Variants in HIVEP2 observed in about 807,000 individuals in gnomAD.
The protein encoded by HIVEP2 is transcription factor HIVEP2.
In HIVEP2, 14 loss-of-function variants were observed where a neutral mutation model predicts 180.7. The ratio of observed to expected loss-of-function variants is 0.08; its 90% CI spans 0.05 to 0.12. The LOEUF (loss-of-function observed/expected upper bound fraction) is 0.12, where lower values mean the gene tolerates loss of function less well. HIVEP2 is among the 10% of genes least tolerant of loss of function. The pLI, the probability that HIVEP2 is intolerant of heterozygous loss-of-function variation, is 1.00. For synonymous variants in HIVEP2, 1,184 were observed against 1,136.4 expected, an observed-to-expected ratio of 1.04 and a Z score of -0.84; for missense variants, 2,579 against 3,008.5, an observed-to-expected ratio of 0.86 and a Z score of 3.34.
chr6:142,857,761 T>A (rs1482340725), intron 1 of HIVEP2, among the ~76,000 whole-genome samples: 2 of 152,256 alleles, frequency 1.3e-5, no homozygotes, highest in African/African-American at 4.8e-5. Context: ...TTTCTTTATA[T>A]TAAAACTCCA....
At chr6:142,923,681 A>T (rs1777733718) in intron 1 of HIVEP2, among the ~76,000 whole-genome samples, 1 of 152,176 alleles carries the variant, frequency 6.6e-6, no homozygotes, top group African/African-American at 2.4e-5. Context: ...ACAGCAGATC[A>T]TTTAACCAAA....
chr6:142,821,964 A>T (rs1777052618), intron 2 of HIVEP2, among the ~76,000 whole-genome samples: 1 of 152,220 alleles, frequency 6.6e-6, no homozygotes, highest in Non-Finnish European at 1.5e-5. Context: ...CAAAGTGCAA[A>T]CAAAGACAGA....
intron 1 of HIVEP2, among the ~76,000 whole-genome samples, chr6:142,904,665 A>C (rs1043907954): frequency 3.9e-5 from 6 of 152,354 alleles, no homozygotes; most frequent in Non-Finnish European, 8.8e-5. Context: ...TGATCAAAAA[A>C]AGATAAACAG....
At position 142,771,757 on chromosome 6, in the gene HIVEP2, A is replaced by G; in HGVS notation, c.2982T>C (p.Leu994=). 1 of 1,614,188 alleles carries G rather than the reference A, an allele frequency of 6.2e-7. No individual in the cohort carries two copies. Among genetic ancestry groups the G allele is most frequent in the Non-Finnish European group, 8.5e-7 (1 of 1,180,044 alleles). The change falls in exon 5 of 10, where the codon CTT becomes CTC. Residue 994 remains leucine, a synonymous_variant. Transcript: ENST00000367603. This position sits in a 1 kb window ranked among gnomAD's most constrained non-coding sequence, Gnocchi z 5.4. ...GCTTCCCAAACTCATCCTGCTTAGG[A>G]AGTGCAGAAAGCTTACTGGTTTCTT... ...EREETSKLSA[L]PKQDEFGKHS...
chr6:142,877,846 T>A (rs1440724175), intron 1 of HIVEP2, among the ~76,000 whole-genome samples: 1 of 152,318 alleles, frequency 6.6e-6, no homozygotes, highest in East Asian at 1.9e-4. Context: ...CATGGGCTTG[T>A]AAAAGGTATT....
At chr6:142,776,281 T>G (rs1775697574) in intron 3 of HIVEP2, 90 bp from the exon 4 acceptor site, 1 of 152,404 alleles carries the variant, frequency 6.6e-6, no homozygotes, top group Non-Finnish European at 1.5e-5. Context: ...TTCCAGTTCA[T>G]TATATAAAGG....
chr6:142,837,041 G>C lies in HIVEP2; in HGVS notation c.-634C>G, dbSNP rs985214337. The C allele has an allele frequency of 6.6e-6, 1 of 151,872 alleles. No homozygotes were observed. The highest frequency in any genetic ancestry group is 6.6e-5 in the Admixed American group (1 of 15,242). 9.4% of individuals were successfully genotyped at this position (151,872 alleles called of 1,614,324 possible). ...CTATGGTCTTTTAAAAAATTCAAAG[G>C]CTCCACCTAATGAGAAAAAAACAAA... On this transcript the variant is annotated 5_prime_UTR_variant, in exon 2 of 10. Coordinates refer to ENST00000367603, the MANE Select transcript of HIVEP2 (RefSeq NM_006734.4).
At chr6:142,850,965 T>C (rs983847142) in intron 1 of HIVEP2, among the ~76,000 whole-genome samples, 4 of 152,248 alleles carry the variant, frequency 2.6e-5, no homozygotes, top group African/African-American at 9.6e-5. Context: ...TTGTGTTGTA[T>C]GATCATAATG....
chr6:142,891,611 T>C (rs993279169), intron 1 of HIVEP2, among the ~76,000 whole-genome samples: 3 of 152,260 alleles, frequency 2.0e-5, no homozygotes, highest in Admixed American at 2.0e-4. Context: ...ACCTGGGCTA[T>C]GGATCGAGAT....
intron 2 of HIVEP2, among the ~76,000 whole-genome samples, chr6:142,808,319 G>A (rs1280131972): frequency 1.3e-5 from 2 of 152,136 alleles, no homozygotes; most frequent in African/African-American, 4.8e-5. Flanking sequence ...GTGGGTGAAT[G>A]GATGGAAGGA....
intron 1 of HIVEP2, among the ~76,000 whole-genome samples, chr6:142,881,463 G>C (rs927577088): frequency 2.0e-5 from 3 of 152,116 alleles, no homozygotes; most frequent in African/African-American, 4.8e-5. Flanking sequence ...AGTAAGAATG[G>C]CCCTACACAT....
At chr6:142,814,012 T>C (rs926011354) in intron 2 of HIVEP2, among the ~76,000 whole-genome samples, 2 of 151,762 alleles carry the variant, frequency 1.3e-5, no homozygotes, top group African/African-American at 2.4e-5. Flanking sequence ...GCTAGACAGG[T>C]GAAAAATAAT....
intron 2 of HIVEP2, among the ~76,000 whole-genome samples, chr6:142,789,381 C>G: frequency 6.6e-6 from 1 of 152,174 alleles, no homozygotes; most frequent in East Asian, 1.9e-4. Flanking sequence ...GAGCTATAAC[C>G]TAGGTTTGTT....
intron 3 of HIVEP2, among the ~76,000 whole-genome samples, chr6:142,781,062 A>G (rs1038870239): frequency 2.6e-5 from 4 of 152,230 alleles, no homozygotes; most frequent in African/African-American, 9.6e-5. Flanking sequence ...CATTAAATGT[A>G]CCATTGTATC....
intron 1 of HIVEP2, among the ~76,000 whole-genome samples, chr6:142,935,404 C>T (rs560923360): frequency 1.1e-3 from 172 of 152,236 alleles, no homozygotes; most frequent in Non-Finnish European, 1.9e-3. Context: ...CAAAAATTAG[C>T]TCAGTATGGT....
intron 1 of HIVEP2, among the ~76,000 whole-genome samples, chr6:142,920,047 A>G (rs1777648183): frequency 6.6e-6 from 1 of 152,230 alleles, no homozygotes; most frequent in South Asian, 2.1e-4. Flanking sequence ...ACAGTAGGAA[A>G]GTTGGTTCTA....
In HIVEP2 at chr6:142,753,553, G is replaced by C. The variant is rs541240672; in HGVS notation, c.6895C>G (p.Pro2299Ala). Residue 2299 changes from proline (P) to alanine (A), a missense_variant, in exon 10 of 10, where the codon CCC becomes GCC. Physicochemically the swap from Pro to Ala is conservative, Grantham distance 27 (BLOSUM62 -1). Transcript: ENST00000367603. ...ALQSSGPPST[P>A]SSPRLLMKQS... The stretch of plus-strand genomic sequence containing the variant: ...TTCATCAACAGCCGAGGAGAGGAGG[G>C]AGTGCTAGGTGGACCAGATGACTGC... 1.9e-6 allele frequency: 3 copies of C among 1,614,184 alleles called. No individual in the cohort carries two copies.
chr6:142,785,562 C>G (rs1775978424), intron 2 of HIVEP2, among the ~76,000 whole-genome samples: 1 of 152,140 alleles, frequency 6.6e-6, no homozygotes, highest in African/African-American at 2.4e-5. Flanking sequence ...AACCTCCCTT[C>G]CCTTCCAGAA....
intron 2 of HIVEP2, among the ~76,000 whole-genome samples, chr6:142,787,790 A>G (rs1034409880): frequency 5.3e-5 from 8 of 152,188 alleles, no homozygotes; most frequent in African/African-American, 1.9e-4. Context: ...TGAAATGTAA[A>G]AAAGAAAACA....
Sources: gnomAD v4.1 joint callset for allele counts (sites outside exome capture counted in the v4.1 genomes callset) on GRCh38, gnomAD v4.1.1 for gene constraint, Gnocchi (gnomAD v3.1) non-coding constraint, MANE v1.5 for transcripts, NCBI Gene and HGNC (gene_info 2026-07-23, HGNC 2026-07-21) for gene names.